The following ABCC9 variants were observed in gnomAD, a reference collection of about 807,000 sequenced individuals.
The protein encoded by ABCC9 is ATP binding cassette subfamily C member 9.
ABCC9 carries 95 observed loss-of-function variants against 188.3 expected under a neutral mutation model. The ratio of observed to expected loss-of-function variants is 0.50; its 90% CI spans 0.43 to 0.60. ABCC9 has a LOEUF of 0.60. Among genes scored for constraint, ABCC9 ranks in the 20% least tolerant of loss-of-function variants. The pLI is 0.00. For synonymous variants in ABCC9, 659 were observed against 652.7 expected (o/e 1.01, Z -0.15); for missense variants, 1,102 against 1,876.3 (o/e 0.59, Z 7.62).
At chr12:21,810,951 T>C (rs1478018242) in intron 36 of ABCC9, among the ~76,000 whole-genome samples, 2 of 152,064 alleles carry the variant, frequency 1.3e-5, no homozygotes, top group African/African-American at 2.4e-5. Flanking sequence ...AGGAGCAAAA[T>C]AGAACAAAAT....
At chr12:21,908,784 A>G (rs1948170720) in intron 10 of ABCC9, among the ~76,000 whole-genome samples, 1 of 151,914 alleles carries the variant, frequency 6.6e-6, no homozygotes, top group Non-Finnish European at 1.5e-5. Context: ...AAAACTGTTA[A>G]AAAGCTAAAG....
rs555480090 is a variant in ABCC9 at position 21,803,433 on chromosome 12, G to A, written c.4513-2252C>T. Among the ~76,000 whole-genome samples, 119 of 151,906 alleles carry A rather than the reference G, an allele frequency of 7.8e-4. 1 individual carries two copies. Among genetic ancestry groups the A allele is most frequent in the Middle Eastern group, 3.4e-3 (1 of 294 alleles). ...AGCTCTTTGGGAGGGCGAGGCGGGC[G>A]GATCACAAGGTCAGGGGTTCAAGAC... is the stretch of plus-strand genomic sequence containing the variant. On this transcript the variant is annotated intron_variant, in intron 39 of 39. Transcript: ENST00000261200.
chr12:21,893,584 C>T (rs1457522697), intron 14 of ABCC9, among the ~76,000 whole-genome samples: 6 of 152,102 alleles, frequency 3.9e-5, no homozygotes. Context: ...ATCCCCACTT[C>T]TAGAAATCCA....
chr12:21,823,534 C>A (rs1943176088), intron 31 of ABCC9, among the ~76,000 whole-genome samples: 1 of 152,210 alleles, frequency 6.6e-6, no homozygotes, highest in Non-Finnish European at 1.5e-5. Flanking sequence ...GACTCTTGTG[C>A]AAGCTCACCC....
At position 21,801,016 on chromosome 12, in the gene ABCC9, A is replaced by G. The variant is rs775503041; in HGVS notation, c.*28T>C. On this transcript the variant is annotated 3_prime_UTR_variant, in exon 40 of 40. Coordinates refer to ENST00000261200, the MANE Select transcript of ABCC9 (RefSeq NM_020297.4). ...ATTAGGTTATGACTGCATTATTTTA[A>G]ATACATGTATTGTTTTAAGACACTC... 19 of 1,613,042 alleles carry G rather than the reference A, an allele frequency of 1.2e-5. No individual in the cohort carries two copies. The East Asian group carries it at 4.2e-4, about 36-fold the overall frequency.
chr12:21,833,896 A>G (rs2137309061), intron 30 of ABCC9, among the ~76,000 whole-genome samples: 1 of 152,220 alleles, frequency 6.6e-6, no homozygotes, highest in East Asian at 1.9e-4. Context: ...TGTCTAGTTC[A>G]TTATCCTCTT....
chr12:21,848,477 A>C (rs1244790714), intron 24 of ABCC9, among the ~76,000 whole-genome samples: 1 of 152,186 alleles, frequency 6.6e-6, no homozygotes, highest in African/African-American at 2.4e-5. Context: ...GAGACCAGGA[A>C]AAGCAAGAAT....
At chr12:21,859,873 T>C (rs1042720854) in intron 21 of ABCC9, among the ~76,000 whole-genome samples, 2 of 152,182 alleles carry the variant, frequency 1.3e-5, no homozygotes, top group South Asian at 2.1e-4. Flanking sequence ...CAGGCTGATA[T>C]GGTTAATCTT....
In ABCC9 at chr12:21,859,134, A is replaced by G. The variant is rs141459930; in HGVS notation, c.2505+452T>C. Among the ~76,000 whole-genome samples, 855 of 152,270 alleles carry G rather than the reference A, an allele frequency of 5.6e-3. 6 individuals carry two copies. The highest frequency in any genetic ancestry group is 0.019 in the African/African-American group (793 of 41,552). On this transcript the variant is annotated intron_variant, in intron 22 of 39. Coordinates refer to ENST00000261200, the MANE Select transcript of ABCC9 (RefSeq NM_020297.4). Reference sequence around the variant, plus strand: ...GGTCTAGAGCAAAACCAAGCTTTCTACAGTTGTAGGGAGCATCACAGATAA... The same window carrying G: ...GGTCTAGAGCAAAACCAAGCTTTCTGCAGTTGTAGGGAGCATCACAGATAA...
intron 29 of ABCC9, among the ~76,000 whole-genome samples, chr12:21,838,693 T>A (rs1055991623): frequency 6.6e-6 from 1 of 152,154 alleles, no homozygotes; most frequent in African/African-American, 2.4e-5. Flanking sequence ...GACAGTGGAT[T>A]GTAGAAACAT....
At chr12:21,940,408 T>G (rs1238545321) in intron 2 of ABCC9, among the ~76,000 whole-genome samples, 1 of 152,202 alleles carries the variant, frequency 6.6e-6, no homozygotes, top group Non-Finnish European at 1.5e-5. Context: ...AATGCTGTAA[T>G]CACTTCTTTG....
chr12:21,908,679 G>A (rs1337579729), intron 10 of ABCC9, among the ~76,000 whole-genome samples: 1 of 151,970 alleles, frequency 6.6e-6, no homozygotes, highest in Non-Finnish European at 1.5e-5. Flanking sequence ...CATGTGAGTA[G>A]AGGATGGTTG....
intron 12 of ABCC9, among the ~76,000 whole-genome samples, chr12:21,899,883 G>A (rs1421606622): frequency 6.6e-6 from 1 of 152,304 alleles, no homozygotes. Flanking sequence ...CACCTCTGGG[G>A]GCAGGGCATA....
At chr12:21,935,948 T>C (rs573370156) in intron 3 of ABCC9, among the ~76,000 whole-genome samples, 1 of 152,276 alleles carries the variant, frequency 6.6e-6, no homozygotes, top group South Asian at 2.1e-4. Context: ...GTTAACTTCT[T>C]CCCAAATTCT....
At position 21,797,394 on chromosome 12, in the gene ABCC9, G is replaced by T. The variant is rs973185816; in HGVS notation, c.*3650C>A. The T allele has an allele frequency of 6.6e-6, 1 of 152,068 alleles. No homozygotes were observed. The highest frequency in any genetic ancestry group is 1.5e-5 in the Non-Finnish European group (1 of 68,020). The allele number at this position is 152,068 out of a possible 1,614,324, so 9.4% of individuals were successfully genotyped here. On this transcript the variant is annotated 3_prime_UTR_variant, in exon 40 of 40. Coordinates refer to ENST00000261200, the MANE Select transcript of ABCC9 (RefSeq NM_020297.4). ...GTGAAAAAATAATCACCCTCTTTAA[G>T]CAAATAAAAGAGTAATTTAATTATG...
chr12:21,858,250 T>C (rs1255560166), intron 22 of ABCC9, among the ~76,000 whole-genome samples: 6 of 152,138 alleles, frequency 3.9e-5, no homozygotes, highest in African/African-American at 1.2e-4. Flanking sequence ...CAAGAAGTCA[T>C]TTCTAGTTGT....
In ABCC9 at chr12:21,845,803, T is replaced by A; in HGVS notation, c.2896A>T (p.Asn966Tyr). 6.2e-7 allele frequency: 1 copy of A among 1,613,730 alleles called. No individual in the cohort carries two copies. The highest frequency in any genetic ancestry group is 1.1e-5 in the South Asian group (1 of 91,068). ...EEEEEEDEDD[N>Y]MSTVMRLRTK... Reference sequence around the variant, plus strand: ...CTGAGCCTCATTACAGTGGACATGTTATCATCCTCATCTTCCTCCTCTTCT... The same window carrying A: ...CTGAGCCTCATTACAGTGGACATGTAATCATCCTCATCTTCCTCCTCTTCT... The change falls in exon 26 of 40, where the codon AAC becomes TAC. Residue 966 changes from asparagine to tyrosine, a missense_variant. Coordinates refer to ENST00000261200, the MANE Select transcript of ABCC9 (RefSeq NM_020297.4).
chr12:21,915,411 G>T lies in ABCC9; in HGVS notation c.816+257C>A, dbSNP rs12822201. 1 allele frequency among the ~76,000 whole-genome samples: 123,613 copies of T among 123,692 alleles called. 61,767 individuals are homozygous for T. The highest frequency in any genetic ancestry group is 1 in the Middle Eastern group (234 of 234). 81.1% of individuals were successfully genotyped at this position (123,692 alleles called of 152,430 possible). A position where few individuals can be genotyped will look rare whatever the true frequency, so the allele number is the denominator to read the frequency against. On this transcript the variant is annotated intron_variant, in intron 7 of 39. Transcript: ENST00000261200. Reference sequence around the variant, plus strand: ...ATGTGTATATATGTATGTGTATATAGACACGTGTATATATGTGTGTATATA... The same window carrying T: ...ATGTGTATATATGTATGTGTATATATACACGTGTATATATGTGTGTATATA...
intron 39 of ABCC9, among the ~76,000 whole-genome samples, chr12:21,802,069 G>A (rs888134931): frequency 6.6e-6 from 1 of 152,134 alleles, no homozygotes; most frequent in Non-Finnish European, 1.5e-5. Context: ...CAGTGTTATG[G>A]TTAAGAGAAC....
Sources: gnomAD v4.1 joint callset for allele counts (sites outside exome capture counted in the v4.1 genomes callset) on GRCh38, gnomAD v4.1.1 for gene constraint, MANE v1.5 for transcripts, NCBI Gene and HGNC (gene_info 2026-07-23, HGNC 2026-07-21) for gene names.